KCNIP4: variants seen among roughly 807,000 people sequenced by gnomAD.
KCNIP4 encodes the protein Kv channel-interacting protein 4.
KCNIP4 carries 12 observed loss-of-function variants against 34.0 expected under a neutral mutation model. The observed-to-expected ratio is 0.35, with a 90% CI of 0.23 to 0.57. The LOEUF is 0.57. Among genes scored for constraint, KCNIP4 ranks in the 20% least tolerant of loss-of-function variants. KCNIP4 has a pLI of 0.83. For synonymous variants in KCNIP4, 124 were observed against 102.2 expected (o/e 1.21, Z -1.29); for missense variants, 238 against 311.7 (o/e 0.76, Z 1.78).
chr4:20,904,018 G>A (rs1311425754), intron 1 of KCNIP4, among the ~76,000 whole-genome samples: 1 of 152,036 alleles, frequency 6.6e-6, no homozygotes, highest in Non-Finnish European at 1.5e-5. Context: ...ATTTATAAAA[G>A]CAGTGTTTTA....
chr4:21,582,645 T>A (rs1741320893), intron 1 of KCNIP4, among the ~76,000 whole-genome samples: 2 of 152,020 alleles, frequency 1.3e-5, no homozygotes, highest in Non-Finnish European at 2.9e-5. Context: ...CATATTAGAA[T>A]AGTATTTTTC....
At chr4:21,730,505 T>A (rs796930286) in intron 1 of KCNIP4, among the ~76,000 whole-genome samples, 39 of 152,208 alleles carry the variant, frequency 2.6e-4, no homozygotes, top group African/African-American at 9.1e-4. Flanking sequence ...CACAAAATCA[T>A]GCCAGTGACG....
intron 1 of KCNIP4, among the ~76,000 whole-genome samples, chr4:21,494,925 G>A (rs1040966469): frequency 1.3e-5 from 2 of 151,942 alleles, no homozygotes; most frequent in Non-Finnish European, 1.5e-5. Context: ...TATCCCAGTG[G>A]AATATAGTTG....
chr4:21,567,036 T>C (rs1440668340), intron 1 of KCNIP4, among the ~76,000 whole-genome samples: 1 of 152,106 alleles, frequency 6.6e-6, no homozygotes, highest in Non-Finnish European at 1.5e-5. Context: ...AACTGTTATT[T>C]CCTATTATAT....
intron 1 of KCNIP4, among the ~76,000 whole-genome samples, chr4:21,786,960 A>T (rs1381301736): frequency 1.3e-5 from 2 of 152,184 alleles, no homozygotes; most frequent in South Asian, 4.1e-4. Context: ...CATTTCTGCC[A>T]GGTGAAGGTA....
intron 1 of KCNIP4, among the ~76,000 whole-genome samples, chr4:21,400,936 G>GGA (rs1177505875): frequency 6.6e-6 from 1 of 152,056 alleles, no homozygotes; most frequent in Non-Finnish European, 1.5e-5. Flanking sequence ...CAAAGTGGGA[G>GGA]GATCACTTGA....
At chr4:20,909,185 A>T (rs1013406765) in intron 1 of KCNIP4, among the ~76,000 whole-genome samples, 2 of 152,190 alleles carry the variant, frequency 1.3e-5, no homozygotes, top group Admixed American at 1.3e-4. Flanking sequence ...CATATATGAA[A>T]TTGTTACTGG....
At chr4:21,123,467 G>A (rs1480573808) in intron 1 of KCNIP4, among the ~76,000 whole-genome samples, 2 of 151,988 alleles carry the variant, frequency 1.3e-5, no homozygotes, top group African/African-American at 4.8e-5. Context: ...TGATTTCAGA[G>A]CCTCTTTACG....
chr4:21,220,771 C>G (rs1252942202), intron 1 of KCNIP4, among the ~76,000 whole-genome samples: 2 of 152,020 alleles, frequency 1.3e-5, no homozygotes, highest in Non-Finnish European at 2.9e-5. Flanking sequence ...TGAAGCTTCA[C>G]TTTTAGTTTC....
intron 1 of KCNIP4, among the ~76,000 whole-genome samples, chr4:21,731,208 T>C (rs1715573743): frequency 6.6e-6 from 1 of 152,076 alleles, no homozygotes; most frequent in African/African-American, 2.4e-5. Flanking sequence ...AGAGAGGCTG[T>C]CCCACTGTTA....
At chr4:20,974,303 G>A (rs914862100) in intron 1 of KCNIP4, among the ~76,000 whole-genome samples, 1 of 152,156 alleles carries the variant, frequency 6.6e-6, no homozygotes, top group African/African-American at 2.4e-5. Context: ...CACAAATTAA[G>A]TAATTTGAGG....
At chr4:21,820,453 A>G (rs942135479) in intron 1 of KCNIP4, among the ~76,000 whole-genome samples, 1 of 151,810 alleles carries the variant, frequency 6.6e-6, no homozygotes. Context: ...AAATAAGCCA[A>G]TTGGATGTAT....
At chr4:21,455,404 G>A (rs1270301275) in intron 1 of KCNIP4, among the ~76,000 whole-genome samples, 16 of 152,036 alleles carry the variant, frequency 1.1e-4, no homozygotes, top group Non-Finnish European at 1.6e-4. Context: ...TGCACCCAGG[G>A]ATCTATGAGC....
chr4:21,456,479 T>G (rs1274029725), intron 1 of KCNIP4, among the ~76,000 whole-genome samples: 2 of 148,322 alleles, frequency 1.3e-5, no homozygotes, highest in Non-Finnish European at 3.0e-5. Flanking sequence ...CCTATATATT[T>G]TCTTAATTTA....
intron 1 of KCNIP4, among the ~76,000 whole-genome samples, chr4:20,977,467 T>C (rs536058292): frequency 6.6e-6 from 1 of 152,292 alleles, no homozygotes; most frequent in South Asian, 2.1e-4. Flanking sequence ...ACAGGTGTGT[T>C]TCCTGATGAT....
At chr4:21,773,966 T>C (rs1201366568) in intron 1 of KCNIP4, among the ~76,000 whole-genome samples, 4 of 152,094 alleles carry the variant, frequency 2.6e-5, no homozygotes, top group Admixed American at 2.0e-4. Flanking sequence ...ATGTGTGAAT[T>C]GGATCCTGAC....
chr4:21,234,252 T>A (rs906932166), intron 1 of KCNIP4, among the ~76,000 whole-genome samples: 10 of 115,888 alleles, frequency 8.6e-5, no homozygotes, highest in South Asian at 3.2e-4. Context: ...TAACATATAT[T>A]ATATATAACA....
At chr4:21,084,316 A>C (rs1746239399) in intron 1 of KCNIP4, among the ~76,000 whole-genome samples, 1 of 152,020 alleles carries the variant, frequency 6.6e-6, no homozygotes, top group African/African-American at 2.4e-5. Flanking sequence ...ATTATGACTT[A>C]GTCATCAAAG....
At chr4:21,574,439 G>T (rs1031721902) in intron 1 of KCNIP4, among the ~76,000 whole-genome samples, 9 of 151,894 alleles carry the variant, frequency 5.9e-5, no homozygotes, top group African/African-American at 1.2e-4. Context: ...ATATATGGCA[G>T]GTTTAATCAA....
Sources: allele counts gnomAD v4.1 joint callset (sites outside exome capture counted in the v4.1 genomes callset), GRCh38; gene constraint gnomAD v4.1.1; transcripts MANE v1.5; gene names NCBI Gene and HGNC (gene_info 2026-07-23, HGNC 2026-07-21).